CHTF18: variants seen among roughly 807,000 people sequenced by gnomAD.
CHTF18 encodes the protein chromosome transmission fidelity factor 18.
CHTF18 carries 151 observed loss-of-function variants against 113.4 expected under a neutral mutation model. That is an observed-to-expected ratio of 1.33 (90% confidence interval 1.17 to 1.52). The LOEUF (loss-of-function observed/expected upper bound fraction) is 1.52. Among genes scored for constraint, CHTF18 ranks in the 40% most tolerant of loss-of-function variants. The pLI, the probability that CHTF18 is intolerant of heterozygous loss-of-function variation, is 0.00. For missense variants in CHTF18, 1,982 were observed against 1,381.6 expected (o/e 1.43, Z -6.89); for synonymous variants, 916 against 598.8 (o/e 1.53, Z -7.74).
In CHTF18 at chr16:798,047, T is replaced by C; in HGVS notation, c.*72T>C. On this transcript the variant is annotated 3_prime_UTR_variant, in exon 22 of 22. Coordinates refer to ENST00000262315, the MANE Select transcript of CHTF18 (RefSeq NM_022092.3). Reference sequence around the variant, plus strand: ...AGAGACAGGAAGCTGGAGATGTCTTTATAAAGTCACACCTTTACAGACTGT... The same window carrying C: ...AGAGACAGGAAGCTGGAGATGTCTTCATAAAGTCACACCTTTACAGACTGT... 1 of 1,540,102 alleles carries C rather than the reference T, an allele frequency of 6.5e-7. No individual in the cohort carries two copies. Among genetic ancestry groups the C allele is most frequent in the Non-Finnish European group, 8.8e-7 (1 of 1,141,558 alleles).
At position 788,923 on chromosome 16, in the gene CHTF18, C is replaced by T. The variant is rs1320081326; in HGVS notation, c.92-8C>T. 3.9e-6 allele frequency: 6 copies of T among 1,537,040 alleles called. No individual in the cohort carries two copies. Among genetic ancestry groups the T allele is most frequent in the South Asian group, 2.4e-5 (2 of 83,576 alleles). On this transcript the variant is annotated splice_polypyrimidine_tract_variant and splice_region_variant and intron_variant, in intron 1 of 21. Transcript: ENST00000262315. ...GGGGCGGCCGCTGACAATCTCCTCT[C>T]CCAGCAGGGGCGTCGACTCCGTCGC...
chr16:788,785 G>A lies in CHTF18; in HGVS notation c.91+10G>A. On this transcript the variant is annotated intron_variant, in intron 1 of 21. Transcript: ENST00000262315. ...CTGGCAGAGCTGGAAGGTGGGGCGC[G>A]GCCCCCGGCCGTTGGGGAGGAGCTG... 1 of 1,586,208 alleles carries A rather than the reference G, an allele frequency of 6.3e-7. No homozygotes were observed. Among genetic ancestry groups the A allele is most frequent in the Non-Finnish European group, 8.6e-7 (1 of 1,168,024 alleles).
At chr16:792,192 T>C in intron 9 of CHTF18, 32 bp from the exon 10 acceptor site, 1 of 1,555,640 alleles carries the variant, frequency 6.4e-7, no homozygotes, top group East Asian at 2.4e-5. Context: ...GGACGCCCAC[T>C]GCCCTGACGA....
rs551844049 is a variant in CHTF18, at chr16:789,781, C to T, written c.606+66C>T. ...GCTGCTCAGGAAAGGGTCCTTGGAG[C>T]CCCTCACCCCTGCCATTTGCTTAAA... On this transcript the variant is annotated intron_variant, in intron 4 of 21. Coordinates refer to ENST00000262315, the MANE Select transcript of CHTF18 (RefSeq NM_022092.3). 9 of 1,466,558 alleles carry T rather than the reference C, an allele frequency of 6.1e-6. 1 individual carries two copies. The South Asian group carries it at 1.2e-4, about 20-fold the overall frequency. The allele number at this position is 1,466,558 out of a possible 1,614,324, so 90.8% of individuals were successfully genotyped here.
chr16:795,019 C>G, intron 15 of CHTF18, 113 bp from the exon 16 acceptor site: 1 of 863,622 alleles, frequency 1.2e-6, no homozygotes, highest in Non-Finnish European at 1.8e-6. Flanking sequence ...TGCGAAGCCT[C>G]GTGGGGCAGG....
At chr16:793,515 G>A in intron 14 of CHTF18, 1 of 605,702 alleles carries the variant, frequency 1.7e-6, no homozygotes, top group Non-Finnish European at 2.9e-6. Context: ...CCCCCAGTGT[G>A]GTGGGGCCTC....
At chr16:793,311 G>T in intron 14 of CHTF18, 37 bp downstream of exon 14, 1 of 1,600,180 alleles carries the variant, frequency 6.2e-7, no homozygotes. Flanking sequence ...AGATGCTCAC[G>T]GTGCCCGGAC....
In CHTF18 at chr16:788,667, C is replaced by G; in HGVS notation, c.-18C>G. ...CGGCGCGGGAGGTTCGGAGCGGGAG[C>G]TCGGGCTCGCGGACGGTATGGAGGA... is the stretch of plus-strand genomic sequence containing the variant. On this transcript the variant is annotated 5_prime_UTR_variant, in exon 1 of 22. Transcript: ENST00000262315. 1 of 1,517,696 alleles carries G rather than the reference C, an allele frequency of 6.6e-7. No individual in the cohort carries two copies. The highest frequency in any genetic ancestry group is 1.2e-5 in the South Asian group (1 of 80,818). 94.0% of individuals were successfully genotyped at this position (1,517,696 alleles called of 1,614,324 possible).
At position 793,745 on chromosome 16, in the gene CHTF18, C is replaced by T. The variant is rs115072935; in HGVS notation, c.1803-309C>T. 6.3e-3 allele frequency: 4,163 copies of T among 662,654 alleles called. 58 individuals carry two copies. The highest frequency in any genetic ancestry group is 0.028 in the African/African-American group (1,589 of 56,448). The allele number at this position is 662,654 out of a possible 1,614,324, so 41.0% of individuals were successfully genotyped here. A position where few individuals can be genotyped will look rare whatever the true frequency, so the allele number is the denominator to read the frequency against. ...TGCTGCAGGATATGGGAGACGCTGG[C>T]CTGGGCCTGTGGGATGTGCTGCTCC... On this transcript the variant is annotated intron_variant, in intron 14 of 21. Transcript: ENST00000262315.
In CHTF18 at chr16:788,973, C is replaced by T. The variant is rs1018077049; in HGVS notation, c.134C>T (p.Ala45Val). 3.8e-6 allele frequency: 6 copies of T among 1,567,222 alleles called. No individual in the cohort carries two copies. The highest frequency in any genetic ancestry group is 1.8e-5 in the Admixed American group (1 of 55,968). Residue 45 changes from alanine (A) to valine (V), a missense_variant, in exon 2 of 22, where the codon GCG (alanine) becomes GTG (valine). By Grantham distance (64) the Ala-to-Val change is moderately conservative (BLOSUM62 0). Coordinates refer to ENST00000262315, the MANE Select transcript of CHTF18 (RefSeq NM_022092.3). ...CCCTCCGGGGTCCCCCTGTTCACCG[C>T]GGGCCGACCCCCGCGGACGTTCGAG... ...PSPSGVPLFTAGRPPRTFEEA... is the reference protein window; with the variant it reads ...PSPSGVPLFTVGRPPRTFEEA...
At chr16:792,935 A>C (rs1205266237) in intron 12 of CHTF18, 31 bp from the exon 13 acceptor site, 1 of 1,545,866 alleles carries the variant, frequency 6.5e-7, no homozygotes, top group Non-Finnish European at 8.7e-7. Context: ...GGGGCATACC[A>C]TCGGGCCCTC....
rs1248922240 is a variant in CHTF18 at position 790,161 on chromosome 16, C to T, written c.607-16C>T. On this transcript the variant is annotated splice_polypyrimidine_tract_variant and intron_variant, in intron 4 of 21. Coordinates refer to ENST00000262315, the MANE Select transcript of CHTF18 (RefSeq NM_022092.3). ...CTAGGAGGGGCCCAGAGGCAATTGT[C>T]CTCCCTTCCCCACAGGGCTCTCTCC... 5.1e-6 allele frequency: 8 copies of T among 1,580,560 alleles called. No homozygotes were observed. The highest frequency in any genetic ancestry group is 1.4e-5 in the African/African-American group (1 of 74,060).
At chr16:791,088 T>A (rs981462716) in intron 7 of CHTF18, 73 bp from the exon 8 acceptor site, 38 of 1,535,232 alleles carry the variant, frequency 2.5e-5, no homozygotes, top group Non-Finnish European at 3.3e-5. Flanking sequence ...ATGGGGCTCA[T>A]GGTGGCAGGT....
rs370414436 is a variant in CHTF18 at position 795,739 on chromosome 16, A to G, written c.2230A>G (p.Ile744Val). 1.4e-5 allele frequency: 22 copies of G among 1,607,360 alleles called. No homozygotes were observed. The highest frequency in any genetic ancestry group is 6.6e-5 in the South Asian group (6 of 90,574). The change falls in exon 17 of 22, where the codon ATC becomes GTC. Residue 744 changes from isoleucine (I) to valine (V), a missense_variant. Physicochemically the swap from Ile to Val is conservative, Grantham distance 29. Transcript: ENST00000262315. ...CCTGATCCAGACGCTGGTGTCCGGCATCGCGCCAGCCACGCGCAGCCGGGC... is the reference window on the plus strand; with the variant it reads ...CCTGATCCAGACGCTGGTGTCCGGCGTCGCGCCAGCCACGCGCAGCCGGGC... ...RNLIQTLVSGIAPATRSRATP... is the reference protein window; with the variant it reads ...RNLIQTLVSGVAPATRSRATP...
chr16:793,034 T>C lies in CHTF18; in HGVS notation c.1641T>C (p.Asn547=), dbSNP rs2042243048. The C allele has an allele frequency of 1.3e-6, 2 of 1,541,756 alleles. No individual in the cohort carries two copies. Among genetic ancestry groups the C allele is most frequent in the African/African-American group, 1.4e-5 (1 of 72,514 alleles). ...VLAALCEKTD[N]DIRACINTLQ... is the part of the protein sequence containing the mutation. ...CCGCCCTCTGTGAGAAAACTGACAA[T>C]GACATCCGGGCCTGCATCAACACCC... The change falls in exon 13 of 22, where the codon AAT becomes AAC. Residue 547 remains asparagine (N), a synonymous_variant. Coordinates refer to ENST00000262315, the MANE Select transcript of CHTF18 (RefSeq NM_022092.3).
Position 789,264 on chromosome 16 carries a change from CGGA to C in CHTF18, c.346_348del (p.Glu116del), listed in dbSNP as rs1220516694. The C allele has an allele frequency of 7.7e-6, 12 of 1,565,252 alleles. No homozygotes were observed. The highest frequency in any genetic ancestry group is 1.4e-5 in the African/African-American group (1 of 73,532). The stretch of plus-strand genomic sequence containing the variant: ...GTGGTCAAGAGGCTGAACTTCAGAT[CGGA>C]GGAGATGGAGGAGCCGCCCCCTCCC... On this transcript the variant is annotated inframe_deletion, in exon 3 of 22. Transcript: ENST00000262315.
At position 792,867 on chromosome 16, in the gene CHTF18, G is replaced by C. The variant is rs1016075254; in HGVS notation, c.1572+56G>C. 9 of 1,529,704 alleles carry C rather than the reference G, an allele frequency of 5.9e-6. No homozygotes were observed. The African/African-American group carries it at 1.1e-4, about 19-fold the overall frequency. The allele number at this position is 1,529,704 out of a possible 1,614,324, so 94.8% of individuals were successfully genotyped here. A position where few individuals can be genotyped will look rare whatever the true frequency, so the allele number is the denominator to read the frequency against. Reference sequence around the variant, plus strand: ...ATGGCGGGGTTGGGGGCGTGGCCTCGTTCTGGCCCCTGTTTCCCTGCCCCT... The same window carrying C: ...ATGGCGGGGTTGGGGGCGTGGCCTCCTTCTGGCCCCTGTTTCCCTGCCCCT... On this transcript the variant is annotated intron_variant, in intron 12 of 21. Coordinates refer to ENST00000262315, the MANE Select transcript of CHTF18 (RefSeq NM_022092.3).
In CHTF18 at chr16:797,672, G is replaced by C. The variant is rs201801533; in HGVS notation, c.2734-22G>C. ...GATGGGGCATCTGTCCTATACGACT[G>C]ACTAGTCCTTCCTCCCATCAGCCTG... On this transcript the variant is annotated intron_variant, in intron 20 of 21. Coordinates refer to ENST00000262315, the MANE Select transcript of CHTF18 (RefSeq NM_022092.3). 5.1e-4 allele frequency: 824 copies of C among 1,611,156 alleles called. 2 individuals are homozygous for C. Among genetic ancestry groups the C allele is most frequent in the Non-Finnish European group, 6.5e-4 (767 of 1,179,416 alleles).
rs1258060862 is a variant in CHTF18 at position 789,110 on chromosome 16, G to A, written c.271G>A (p.Gly91Arg). 1 of 1,534,870 alleles carries A rather than the reference G, an allele frequency of 6.5e-7. No homozygotes were observed. The highest frequency in any genetic ancestry group is 8.8e-7 in the Non-Finnish European group (1 of 1,139,106). Reference protein sequence around the residue: ...RQVDADLQPAGSLPHAPRIKR... With the variant: ...RQVDADLQPARSLPHAPRIKR... ...GGTGGACGCCGACCTGCAGCCGGCCGGGTCCCTGCCCCACGGTAGGTTGGC... is the reference window on the plus strand; with the variant it reads ...GGTGGACGCCGACCTGCAGCCGGCCAGGTCCCTGCCCCACGGTAGGTTGGC... The change falls in exon 2 of 22, where the codon GGG (glycine) becomes AGG (arginine). Residue 91 changes from glycine to arginine, a missense_variant. Transcript: ENST00000262315.
Sources: allele counts gnomAD v4.1 joint callset, GRCh38; gene constraint gnomAD v4.1.1; transcripts MANE v1.5; gene names NCBI Gene and HGNC (gene_info 2026-07-23, HGNC 2026-07-21).